Variants in NADK observed in about 807,000 individuals in gnomAD.
The protein encoded by NADK is poly(P)/ATP NAD kinase.
A neutral mutation model predicts 49.8 loss-of-function variants in NADK; 22 were observed. The ratio of observed to expected loss-of-function variants is 0.44; its 90% confidence interval spans 0.32 to 0.63. The LOEUF (loss-of-function observed/expected upper bound fraction) is 0.63, where lower values mean the gene tolerates loss of function less well. Among genes scored for constraint, NADK ranks in the 30% least tolerant of loss-of-function variants. NADK has a pLI of 0.06. For synonymous variants in NADK, 268 were observed against 253.7 expected (o/e 1.06, Z -0.54); for missense variants, 438 against 609.4 (o/e 0.72, Z 2.96).
chr1:1,753,099 G>A (rs1227838664), intron 11 of NADK, 39 bp from the exon 12 acceptor site: 20 of 1,582,672 alleles, frequency 1.3e-5, no homozygotes, highest in Admixed American at 1.7e-5. Context: ...AGGGCTTCCA[G>A]AAAGGCCCAC....
chr1:1,759,279 C>A, intron 3 of NADK: 6 of 1,528,696 alleles, frequency 3.9e-6, no homozygotes, highest in Non-Finnish European at 5.3e-6. Flanking sequence ...CAGGCACGCA[C>A]GGCTGTGGGT....
intron 1 of NADK, among the ~76,000 whole-genome samples, chr1:1,768,771 T>C (rs1645960825): frequency 6.6e-6 from 1 of 152,236 alleles, no homozygotes; most frequent in African/African-American, 2.4e-5. Context: ...CCCTGCCCCA[T>C]GCCTGTGGCA....
chr1:1,753,416 C>G (rs2100267031), intron 11 of NADK, 151 bp downstream of exon 11: 1 of 662,334 alleles, frequency 1.5e-6, no homozygotes, highest in African/African-American at 1.8e-5. Context: ...GGACGGGTGC[C>G]CCGACTGTGA....
chr1:1,778,912 G>A (rs1384383623), upstream of NADK: 2 of 152,402 alleles, frequency 1.3e-5, no homozygotes, highest in Non-Finnish European at 2.9e-5. This position sits in a 1 kb window ranked among gnomAD's most constrained non-coding sequence, Gnocchi z 4.9. Context: ...CCCCGCGAGA[G>A]CTGGCCCCGC....
rs185405803 is a variant in NADK at position 1,771,833 on chromosome 1, G to A, written c.-40-6387C>T. On this transcript the variant is annotated intron_variant, in intron 1 of 11. Coordinates refer to ENST00000341426, the MANE Select transcript of NADK (RefSeq NM_023018.5). ...TTTTTTTTGTCTTTTTGTGAGACAGGATCTCCCACTGTTGCCCAGGCTGGA... is the reference window on the plus strand; with the variant it reads ...TTTTTTTTGTCTTTTTGTGAGACAGAATCTCCCACTGTTGCCCAGGCTGGA... Among the ~76,000 whole-genome samples, 644 of 151,996 alleles carry A rather than the reference G, an allele frequency of 4.2e-3. 5 individuals are homozygous for A. Among genetic ancestry groups the A allele is most frequent in the African/African-American group, 0.015 (602 of 41,438 alleles).
rs778529076 is a variant in NADK at position 1,757,211 on chromosome 1, C to A, written c.363G>T (p.Pro121=). The part of the protein sequence containing the change: ...KKMRDASLLQ[P]FKELCTHLME... The stretch of plus-strand genomic sequence containing the variant: ...TGAGGTGCGTGCAGAGCTCCTTGAA[C>A]GGCTGCAGTAGGCTGGCATCTCTCA... Residue 121 remains proline, a synonymous_variant, in exon 4 of 12, where the codon CCG becomes CCT. Coordinates refer to ENST00000341426, the MANE Select transcript of NADK (RefSeq NM_023018.5). 3.3e-6 allele frequency: 5 copies of A among 1,503,006 alleles called. No homozygotes were observed. Among genetic ancestry groups the A allele is most frequent in the Non-Finnish European group, 4.5e-6 (5 of 1,108,978 alleles). The allele number at this position is 1,503,006 out of a possible 1,614,324, so 93.1% of individuals were successfully genotyped here.
intron 1 of NADK, 46 bp from the exon 2 acceptor site, chr1:1,765,492 T>C: frequency 1.0e-6 from 1 of 965,654 alleles, no homozygotes. Flanking sequence ...AATAAATATG[T>C]ATGAAACAAT....
chr1:1,764,230 G>A (rs778347957), intron 2 of NADK, among the ~76,000 whole-genome samples: 2 of 152,206 alleles, frequency 1.3e-5, no homozygotes, highest in African/African-American at 4.8e-5. Flanking sequence ...AGCCCCCCTT[G>A]CATTTGATAG....
chr1:1,752,925 CT>C lies in NADK; in HGVS notation c.1319del (p.Glu440GlyfsTer35), dbSNP rs753685606. The C allele has an allele frequency of 1.9e-6, 3 of 1,602,408 alleles. No homozygotes were observed. In the African/African-American group the frequency reaches 4.0e-5, roughly 21 times the overall value. On this transcript the variant is annotated frameshift_variant, in exon 12 of 12. Transcript: ENST00000341426. LOFTEE classifies it high-confidence loss of function. ...RKKQAHFEEE[E>X]EEEEEG ...TGACCTAGCCCTCCTCCTCCTCCTCCTCCTCCTCCTCGAAGTGGGCTTGCTT... is the reference window on the plus strand; with the variant it reads ...TGACCTAGCCCTCCTCCTCCTCCTCCCCTCCTCCTCGAAGTGGGCTTGCTT...
rs994531881 is a variant in NADK at position 1,764,833 on chromosome 1, G to A, written c.179+395C>T. ...GGAGAATCACTTGAACCTGGGAGGCGGAGGTTGCAGTGAGCCAAGATTGCG... is the reference window on the plus strand; with the variant it reads ...GGAGAATCACTTGAACCTGGGAGGCAGAGGTTGCAGTGAGCCAAGATTGCG... On this transcript the variant is annotated intron_variant, in intron 2 of 11. Coordinates refer to ENST00000341426, the MANE Select transcript of NADK (RefSeq NM_023018.5). Among the ~76,000 whole-genome samples, 5 of 152,194 alleles carry A rather than the reference G, an allele frequency of 3.3e-5. No individual in the cohort carries two copies. The South Asian group carries it at 8.3e-4, about 25-fold the overall frequency.
chr1:1,779,943 G>T (rs541533018), upstream of NADK: 1 of 152,430 alleles, frequency 6.6e-6, no homozygotes, highest in African/African-American at 2.4e-5. Flanking sequence ...TGAATCCAGA[G>T]ACACGGAACA....
chr1:1,753,056 T>C lies in NADK; in HGVS notation c.1189A>G (p.Ser397Gly), dbSNP rs780425124. 1.9e-6 allele frequency: 3 copies of C among 1,608,688 alleles called. No individual in the cohort carries two copies. In the East Asian group the frequency reaches 6.7e-5, roughly 36 times the overall value. Reference sequence around the variant, plus strand: ...AGCGGGTAGCATGAGGTAGTGATGCTGATGCTGGGACGGGAGAGCAGCAGC... The same window carrying C: ...AGCGGGTAGCATGAGGTAGTGATGCCGATGCTGGGACGGGAGAGCAGCAGC... ...RQEIRHGDSISITTSCYPLPS... is the reference protein window; with the variant it reads ...RQEIRHGDSIGITTSCYPLPS... Residue 397 changes from serine (S) to glycine (G), a missense_variant, in exon 12 of 12, where the codon AGC becomes GGC. Transcript: ENST00000341426.
chr1:1,770,048 C>T (rs912172011), intron 1 of NADK, among the ~76,000 whole-genome samples: 1 of 151,960 alleles, frequency 6.6e-6, no homozygotes, highest in Non-Finnish European at 1.5e-5. Context: ...GCACCTGTAA[C>T]TCCAGCTATG....
intron 1 of NADK, among the ~76,000 whole-genome samples, chr1:1,765,671 G>A (rs1431118090): frequency 6.6e-6 from 1 of 152,158 alleles, no homozygotes; most frequent in African/African-American, 2.4e-5. Flanking sequence ...CAGCACTTTG[G>A]GAGGTAGAGG....
chr1:1,753,130 TC>T (rs1645381909), intron 11 of NADK, 70 bp from the exon 12 acceptor site: 1 of 1,497,584 alleles, frequency 6.7e-7, no homozygotes, highest in Non-Finnish European at 9.0e-7. Context: ...GAACCCTTCC[TC>T]CCTCCCTCCC....
At chr1:1,765,134 A>C (rs930449451) in intron 2 of NADK, 94 bp downstream of exon 2, 7 of 1,266,596 alleles carry the variant, frequency 5.5e-6, no homozygotes, top group Non-Finnish European at 7.5e-6. Flanking sequence ...GCATCGACGC[A>C]GACTACTCAG....
At chr1:1,770,466 G>A (rs2100364652) in intron 1 of NADK, among the ~76,000 whole-genome samples, 1 of 152,290 alleles carries the variant, frequency 6.6e-6, no homozygotes, top group South Asian at 2.1e-4. Flanking sequence ...GGTTTCAGAA[G>A]GCAAATTCAA....
intron 2 of NADK, 31 bp downstream of exon 2, chr1:1,765,197 A>C (rs746115386): frequency 3.9e-6 from 6 of 1,535,220 alleles, no homozygotes; most frequent in Non-Finnish European, 3.5e-6. Flanking sequence ...CAGACGAGAA[A>C]AAAAAGAGGA....
At chr1:1,756,901 A>T (rs1402661734) in intron 4 of NADK, 1 of 805,108 alleles carries the variant, frequency 1.2e-6, no homozygotes, top group Admixed American at 1.7e-5. Flanking sequence ...AAGACACAGC[A>T]GGAAGGCCCA....
Sources: gnomAD v4.1 joint callset for allele counts (sites outside exome capture counted in the v4.1 genomes callset) on GRCh38, gnomAD v4.1.1 for gene constraint, Gnocchi (gnomAD v3.1) non-coding constraint, MANE v1.5 for transcripts, NCBI Gene and HGNC (gene_info 2026-07-23, HGNC 2026-07-21) for gene names.